The following FBXW11 variants were observed in gnomAD, a reference collection of about 807,000 sequenced individuals.
The protein encoded by FBXW11 is F-box/WD repeat-containing protein 11.
In FBXW11, 19 loss-of-function variants were observed where a neutral mutation model predicts 77.6. The ratio of observed to expected loss-of-function variants is 0.24; its 90% CI spans 0.17 to 0.36. The LOEUF (loss-of-function observed/expected upper bound fraction) is 0.36. Among genes scored for constraint, FBXW11 ranks in the 10% least tolerant of loss-of-function variants. The probability of loss-of-function intolerance (pLI) is 1.00; values close to 1 mark genes in which losing one functional copy is unlikely to be tolerated. For missense variants in FBXW11, 334 were observed against 704.2 expected, an observed-to-expected ratio of 0.47 and a Z score of 5.95; for synonymous variants, 235 against 249.4, an observed-to-expected ratio of 0.94 and a Z score of 0.54.
chr5:171,932,095 G>A (rs972179813), intron 2 of FBXW11, among the ~76,000 whole-genome samples: 5 of 151,854 alleles, frequency 3.3e-5, no homozygotes, highest in African/African-American at 7.3e-5. Context: ...AGCTGGTCTC[G>A]AACTTCTGGG....
Position 172,002,696 on chromosome 5 carries a change from C to CTTTTTT in FBXW11, c.45+3756_45+3761dup, listed in dbSNP as rs34300477. On this transcript the variant is annotated intron_variant, in intron 1 of 13. Transcript: ENST00000517395. ...TATTCGTTTCTTTCTTTTTTCTTTT[C>CTTTTTT]TTTTTTTTTTTTTTTTTTTTTGAGA... Among the ~76,000 whole-genome samples the CTTTTTT allele has an allele frequency of 6.2e-3, 600 of 97,022 alleles. 3 individuals carry two copies. Among genetic ancestry groups the CTTTTTT allele is most frequent in the African/African-American group, 0.011 (238 of 21,062 alleles). 63.7% of individuals were successfully genotyped at this position (97,022 alleles called of 152,430 possible).
intron 1 of FBXW11, among the ~76,000 whole-genome samples, chr5:171,961,155 C>T (rs1763889138): frequency 6.6e-6 from 1 of 152,118 alleles, no homozygotes; most frequent in African/African-American, 2.4e-5. Context: ...TCGCATAGTG[C>T]TGGGTTGGTG....
At chr5:171,990,138 G>A (rs945191464) in intron 1 of FBXW11, among the ~76,000 whole-genome samples, 4 of 150,530 alleles carry the variant, frequency 2.7e-5, no homozygotes, top group African/African-American at 9.7e-5. Context: ...GGGAAGGAGG[G>A]AAGAAGGGGA....
intron 1 of FBXW11, among the ~76,000 whole-genome samples, chr5:172,006,122 C>A (rs1224220962): frequency 6.6e-6 from 1 of 152,174 alleles, no homozygotes; most frequent in Non-Finnish European, 1.5e-5. Context: ...AAAAAAAATC[C>A]CTTTCTAAAA....
intron 2 of FBXW11, among the ~76,000 whole-genome samples, chr5:171,934,396 G>C (rs951603874): frequency 2.9e-4 from 44 of 152,164 alleles, no homozygotes; most frequent in African/African-American, 1.1e-3. Flanking sequence ...TTGAAAAGTA[G>C]GTTGGGCACA....
chr5:171,918,310 T>C (rs748239249), intron 2 of FBXW11, among the ~76,000 whole-genome samples: 2 of 151,896 alleles, frequency 1.3e-5, no homozygotes, highest in African/African-American at 2.4e-5. Flanking sequence ...ATGGCAAAAA[T>C]AGAAAATTCT....
chr5:171,869,726 T>C lies in FBXW11; in HGVS notation c.1530+3A>G, dbSNP rs779079729. On this transcript the variant is annotated splice_donor_region_variant and intron_variant, in intron 12 of 13. Coordinates refer to ENST00000517395, the MANE Select transcript of FBXW11 (RefSeq NM_001378974.1). The surrounding 1 kb of genome is among the most constrained non-coding windows in gnomAD (Gnocchi z 4.1). ...CCAATTCCCGTCTCAAGAGATCACATACCACCAATGTGCGCAAACACAATG... is the reference window on the plus strand; with the variant it reads ...CCAATTCCCGTCTCAAGAGATCACACACCACCAATGTGCGCAAACACAATG... The C allele has an allele frequency of 1.2e-6, 2 of 1,606,076 alleles. No homozygotes were observed. The highest frequency in any genetic ancestry group is 1.7e-5 in the Admixed American group (1 of 58,890).
At chr5:171,913,711 T>C (rs528877343) in intron 3 of FBXW11, among the ~76,000 whole-genome samples, 16 of 152,276 alleles carry the variant, frequency 1.1e-4, no homozygotes, top group African/African-American at 3.6e-4. Context: ...TTTGTTTTGC[T>C]TTTAATCCTG....
rs1268104939 is a variant in FBXW11, at chr5:172,006,349, G to A, written c.45+109C>T. The A allele has an allele frequency of 4.1e-6, 4 of 987,378 alleles. No individual in the cohort carries two copies. In the East Asian group the frequency reaches 1.3e-4, roughly 31 times the overall value. The allele number at this position is 987,378 out of a possible 1,614,324, so 61.2% of individuals were successfully genotyped here. On this transcript the variant is annotated intron_variant, in intron 1 of 13. Transcript: ENST00000517395. ...AAGGCTGGGGGCCCGGGTCTGGGTC[G>A]AGGCGTCTGGGAAGGGCCAGAGCCG...
intron 1 of FBXW11, among the ~76,000 whole-genome samples, chr5:171,988,501 A>G (rs1052767843): frequency 1.3e-5 from 2 of 152,196 alleles, no homozygotes; most frequent in African/African-American, 4.8e-5. Flanking sequence ...GAGTATGGTG[A>G]TATAAAAAAG....
chr5:171,965,457 C>CAG (rs1476307905), intron 1 of FBXW11, among the ~76,000 whole-genome samples: 1 of 150,948 alleles, frequency 6.6e-6, no homozygotes, highest in Non-Finnish European at 1.5e-5. Flanking sequence ...ACCCAGGAGG[C>CAG]AGAGGTTACA....
chr5:171,908,329 C>G (rs1358983942), intron 4 of FBXW11, among the ~76,000 whole-genome samples: 1 of 152,114 alleles, frequency 6.6e-6, no homozygotes, highest in Non-Finnish European at 1.5e-5. Flanking sequence ...GAGTTGTAAT[C>G]CTTACATTCA....
chr5:171,955,402 T>C (rs1430939186), intron 2 of FBXW11, among the ~76,000 whole-genome samples: 2 of 152,108 alleles, frequency 1.3e-5, no homozygotes, highest in South Asian at 2.1e-4. Context: ...TAATATGAGG[T>C]TGCTAAAAGG....
Position 171,868,567 on chromosome 5 carries a change from G to A in FBXW11, c.*25+43C>T, listed in dbSNP as rs956119138. 6 of 1,507,114 alleles carry A rather than the reference G, an allele frequency of 4.0e-6. No individual in the cohort carries two copies. In the African/African-American group the frequency reaches 4.2e-5, roughly 11 times the overall value. The allele number at this position is 1,507,114 out of a possible 1,614,324, so 93.4% of individuals were successfully genotyped here. A position where few individuals can be genotyped will look rare whatever the true frequency, so the allele number is the denominator to read the frequency against. ...CACAAAATTTCCCCAAAGGGAAGGTGAATTCAATCAGCAAAATTGGAAGGG... is the reference window on the plus strand; with the variant it reads ...CACAAAATTTCCCCAAAGGGAAGGTAAATTCAATCAGCAAAATTGGAAGGG... On this transcript the variant is annotated intron_variant, in intron 13 of 13. Transcript: ENST00000517395.
chr5:171,989,832 A>G (rs1765638780), intron 1 of FBXW11, among the ~76,000 whole-genome samples: 1 of 152,206 alleles, frequency 6.6e-6, no homozygotes, highest in Admixed American at 6.5e-5. Context: ...ATATTATATT[A>G]TGGAATTACT....
At position 171,870,777 on chromosome 5, in the gene FBXW11, G is replaced by A. The variant is rs1757707636; in HGVS notation, c.1422C>T (p.Asn474=). The A allele has an allele frequency of 1.9e-6, 3 of 1,613,796 alleles. No homozygotes were observed. The East Asian group carries it at 6.7e-5, about 36-fold the overall frequency. Reference sequence around the variant, plus strand: ...CATAGGCCCCACTGACAATCCTCTTGTTATCAAACCGGATGCATCGGACCA... The same window carrying A: ...CATAGGCCCCACTGACAATCCTCTTATTATCAAACCGGATGCATCGGACCA... The part of the protein sequence containing the change: ...EELVRCIRFD[N]KRIVSGAYDG... Residue 474 remains asparagine, a synonymous_variant, in exon 11 of 14, where the codon AAC becomes AAT. Transcript: ENST00000517395.
intron 7 of FBXW11, among the ~76,000 whole-genome samples, chr5:171,882,942 A>C (rs1581142923): frequency 2.9e-5 from 4 of 137,250 alleles, no homozygotes; most frequent in Admixed American, 7.4e-5. Context: ...CCCCCCTCCC[A>C]CTCGTCCCCC....
intron 2 of FBXW11, among the ~76,000 whole-genome samples, chr5:171,928,177 C>T (rs1355913403): frequency 6.6e-6 from 1 of 152,152 alleles, no homozygotes; most frequent in Admixed American, 6.5e-5. Context: ...AGTGCATATA[C>T]ATTAATTTCT....
At position 171,904,729 on chromosome 5, in the gene FBXW11, G is replaced by A. The variant is rs545813516; in HGVS notation, c.437-4629C>T. ...TGGGACTACAGGCGCACACCACCAT[G>A]CCCAGGTAATTTTTGTATTTTTAGT... is the stretch of plus-strand genomic sequence containing the variant. On this transcript the variant is annotated intron_variant, in intron 4 of 13. Transcript: ENST00000517395. This position sits in a 1 kb window ranked among gnomAD's most constrained non-coding sequence, Gnocchi z 4.0. 6.6e-6 allele frequency among the ~76,000 whole-genome samples: 1 copy of A among 152,120 alleles called. No individual in the cohort carries two copies. The highest frequency in any genetic ancestry group is 1.9e-4 in the East Asian group (1 of 5,170).
Sources: allele counts gnomAD v4.1 joint callset (sites outside exome capture counted in the v4.1 genomes callset), GRCh38; gene constraint gnomAD v4.1.1; non-coding constraint Gnocchi (gnomAD v3.1); transcripts MANE v1.5; gene names NCBI Gene and HGNC (gene_info 2026-07-23, HGNC 2026-07-21).